Variants in MMP16 observed in about 807,000 individuals in gnomAD.
The protein encoded by MMP16 is matrix metallopeptidase 16.
In MMP16, 12 loss-of-function variants were observed where a neutral mutation model predicts 67.8. The observed-to-expected ratio is 0.18, with a 90% confidence interval of 0.11 to 0.29. The LOEUF is 0.29. Among genes scored for constraint, MMP16 ranks in the 10% least tolerant of loss-of-function variants. MMP16 has a pLI of 1.00. For missense variants in MMP16, 475 were observed against 765.7 expected (o/e 0.62, Z 4.48); for synonymous variants, 249 against 255.9 (o/e 0.97, Z 0.26).
At chr8:88,181,434 T>G (rs1808979309) in intron 3 of MMP16, among the ~76,000 whole-genome samples, 1 of 151,778 alleles carries the variant, frequency 6.6e-6, no homozygotes, top group African/African-American at 2.4e-5. Flanking sequence ...ACCATTTAAA[T>G]TAGCACCAGA....
chr8:88,170,397 T>C (rs535328976), intron 3 of MMP16, among the ~76,000 whole-genome samples: 1 of 152,334 alleles, frequency 6.6e-6, no homozygotes, highest in East Asian at 1.9e-4. Flanking sequence ...ATTTCTTGTC[T>C]AATGGCTAAA....
intron 7 of MMP16, among the ~76,000 whole-genome samples, chr8:88,066,610 CCCTGTGGGTTTGTACATCTA>C (rs1563521868): frequency 6.6e-6 from 1 of 151,760 alleles, no homozygotes; most frequent in Non-Finnish European, 1.5e-5. Context: ...AGTAAGAAAG[CCCTGTGGGTTTGTACATCTA>C]CACTCTCACT....
intron 7 of MMP16, among the ~76,000 whole-genome samples, chr8:88,073,223 G>C (rs1284316845): frequency 6.6e-6 from 1 of 152,168 alleles, no homozygotes; most frequent in Non-Finnish European, 1.5e-5. Context: ...ACAGCCTTTA[G>C]GTGGTATCCT....
Position 88,035,677 on chromosome 8 carries a change from TC to T in MMP16, c.*5783del, listed in dbSNP as rs1233194480. ...GTTCTAATAAATGATGCATGTCACG[TC>T]CAGTTATAAGCCCATAATTGTGTTT... On this transcript the variant is annotated 3_prime_UTR_variant, in exon 10 of 10. Coordinates refer to ENST00000286614, the MANE Select transcript of MMP16 (RefSeq NM_005941.5). This position sits in a 1 kb window ranked among gnomAD's most constrained non-coding sequence, Gnocchi z 4.7. The T allele has an allele frequency of 2.0e-5, 3 of 151,980 alleles. No individual in the cohort carries two copies. The highest frequency in any genetic ancestry group is 4.4e-5 in the Non-Finnish European group (3 of 67,886). 9.4% of individuals were successfully genotyped at this position (151,980 alleles called of 1,614,324 possible). A position where few individuals can be genotyped will look rare whatever the true frequency, so the allele number is the denominator to read the frequency against.
intron 1 of MMP16, among the ~76,000 whole-genome samples, chr8:88,255,966 A>G (rs1356098343): frequency 6.6e-6 from 1 of 152,150 alleles, no homozygotes; most frequent in Non-Finnish European, 1.5e-5. Context: ...TCATTTATCC[A>G]GAGGTCATTC....
chr8:88,238,155 G>A (rs1809974294), intron 1 of MMP16, among the ~76,000 whole-genome samples: 1 of 152,158 alleles, frequency 6.6e-6, no homozygotes, highest in Non-Finnish European at 1.5e-5. Context: ...TACTAGGCAA[G>A]CAATGATCTA....
Position 88,167,828 on chromosome 8 carries a change from T to C in MMP16, c.550A>G (p.Ile184Val). 1.2e-6 allele frequency: 2 copies of C among 1,614,042 alleles called. No individual in the cohort carries two copies. Among genetic ancestry groups the C allele is most frequent in the African/African-American group, 1.3e-5 (1 of 75,050 alleles). Residue 184 changes from isoleucine to valine, a missense_variant, in exon 4 of 10, where the codon ATA (isoleucine) becomes GTA (valine). Coordinates refer to ENST00000286614, the MANE Select transcript of MMP16 (RefSeq NM_005941.5). ...AAACCAGATGCAAAAATAATGGTTA[T>C]ATCCACATCACGTTTGCCATTTTCT... Reference protein sequence around the residue: ...ELENGKRDVDITIIFASGFHG... With the variant: ...ELENGKRDVDVTIIFASGFHG...
At chr8:88,056,563 T>C (rs964775813) in intron 7 of MMP16, among the ~76,000 whole-genome samples, 8 of 152,058 alleles carry the variant, frequency 5.3e-5, no homozygotes, top group Non-Finnish European at 1.0e-4. Context: ...TCTATAACTT[T>C]GCCATAAAGA....
At chr8:88,182,915 C>A (rs1448877855) in intron 3 of MMP16, among the ~76,000 whole-genome samples, 1 of 151,854 alleles carries the variant, frequency 6.6e-6, no homozygotes, top group African/African-American at 2.4e-5. Flanking sequence ...TGTTAAGGAA[C>A]CTTACGAGCC....
At chr8:88,104,218 G>T (rs1809196217) in intron 6 of MMP16, among the ~76,000 whole-genome samples, 1 of 151,476 alleles carries the variant, frequency 6.6e-6, no homozygotes, top group Non-Finnish European at 1.5e-5. Context: ...TCCAAGATTT[G>T]TCTATCTTTT....
At chr8:88,197,026 T>C in intron 2 of MMP16, 132 bp downstream of exon 2, 1 of 818,588 alleles carries the variant, frequency 1.2e-6, no homozygotes, top group South Asian at 1.9e-5. Context: ...TTAAATTAGG[T>C]TATATAATTC....
At chr8:88,186,307 C>T in intron 3 of MMP16, 169 bp downstream of exon 3, 1 of 752,874 alleles carries the variant, frequency 1.3e-6, no homozygotes, top group Non-Finnish European at 2.1e-6. Flanking sequence ...CATAGGGTGT[C>T]TAATGAACAA....
chr8:88,073,158 G>A (rs28991889), intron 7 of MMP16, among the ~76,000 whole-genome samples: 4,192 of 152,290 alleles, frequency 0.028, 63 homozygotes, highest in African/African-American at 0.034. Context: ...CTCATGGGAC[G>A]CAGGAAGGGT....
chr8:88,092,340 A>T (rs1404397421), intron 6 of MMP16, among the ~76,000 whole-genome samples: 2 of 151,808 alleles, frequency 1.3e-5, no homozygotes, highest in African/African-American at 2.4e-5. Flanking sequence ...TCGTTCCTTT[A>T]TCTGTTTAAA....
chr8:88,081,450 C>T (rs1254735986), intron 6 of MMP16, among the ~76,000 whole-genome samples: 1 of 152,072 alleles, frequency 6.6e-6, no homozygotes, highest in Non-Finnish European at 1.5e-5. Flanking sequence ...ATAATTACTG[C>T]ACTTATTGAA....
intron 1 of MMP16, among the ~76,000 whole-genome samples, chr8:88,264,566 T>C (rs1354110980): frequency 6.6e-6 from 1 of 152,226 alleles, no homozygotes; most frequent in Non-Finnish European, 1.5e-5. Flanking sequence ...AAATACAGAC[T>C]GGGTAAACCC....
chr8:88,148,415 G>C (rs1187914727), intron 4 of MMP16, among the ~76,000 whole-genome samples: 1 of 152,130 alleles, frequency 6.6e-6, no homozygotes, highest in South Asian at 2.1e-4. Context: ...TTGCATGATA[G>C]CCACCGGTGA....
intron 6 of MMP16, among the ~76,000 whole-genome samples, chr8:88,097,570 G>A (rs753064067): frequency 1.4e-5 from 2 of 140,474 alleles, no homozygotes; most frequent in Admixed American, 7.7e-5. Context: ...AGATTGCAGT[G>A]AGCCATGATC....
At chr8:88,268,782 T>C (rs1810519422) in intron 1 of MMP16, among the ~76,000 whole-genome samples, 1 of 152,108 alleles carries the variant, frequency 6.6e-6, no homozygotes, top group Admixed American at 6.6e-5. Flanking sequence ...TACCAATAAG[T>C]ATTCTTTCTC....
Sources: allele counts gnomAD v4.1 joint callset (sites outside exome capture counted in the v4.1 genomes callset), GRCh38; gene constraint gnomAD v4.1.1; non-coding constraint Gnocchi (gnomAD v3.1); transcripts MANE v1.5; gene names NCBI Gene and HGNC (gene_info 2026-07-23, HGNC 2026-07-21).